The following TPSG1 variants were observed in gnomAD, a reference collection of about 807,000 sequenced individuals.
TPSG1 encodes tryptase gamma 1, also known as tryptase gamma.
A neutral mutation model predicts 23.8 loss-of-function variants in TPSG1; 43 were observed. The observed-to-expected ratio is 1.81, with a 90% confidence interval of 1.42 to 2.33. The LOEUF (loss-of-function observed/expected upper bound fraction) is 2.33, where lower values mean the gene tolerates loss of function less well. Among genes scored for constraint, TPSG1 ranks in the 30% most tolerant of loss-of-function variants. The pLI, the probability that TPSG1 is intolerant of heterozygous loss-of-function variation, is 0.00. For synonymous variants in TPSG1, 302 were observed against 201.3 expected (o/e 1.50, Z -4.23); for missense variants, 623 against 438.6 (o/e 1.42, Z -3.75).
intron 1 of TPSG1, 52 bp downstream of exon 1, chr16:1,225,155 C>A: frequency 6.5e-7 from 1 of 1,545,092 alleles, no homozygotes; most frequent in Non-Finnish European, 8.8e-7. Flanking sequence ...ATCAGGGGTC[C>A]AGGCAGGAAG....
rs376013233 is a variant in TPSG1 at position 1,223,479 on chromosome 16, G to A, written c.189C>T (p.Cys63=). 2.1e-5 allele frequency: 34 copies of A among 1,583,872 alleles called. No individual in the cohort carries two copies. The highest frequency in any genetic ancestry group is 1.5e-4 in the African/African-American group (11 of 74,680). The change falls in exon 3 of 6, where the codon TGC becomes TGT. Residue 63 remains cysteine (C), a synonymous_variant. Coordinates refer to ENST00000234798, the MANE Select transcript of TPSG1 (RefSeq NM_012467.4). The part of the protein sequence containing the change: ...ASLRLRRVHV[C]GGSLLSPQWV... ...ACTGGGGGCTGAGCAGTGACCCGCC[G>A]CACACGTGCACCCTCCGCAGGCGGA...
chr16:1,223,868 G>A (rs1428434353), intron 2 of TPSG1: 2 of 491,824 alleles, frequency 4.1e-6, no homozygotes, highest in African/African-American at 2.1e-5. Flanking sequence ...GCTGCAGAGG[G>A]CCCCTAGGCG....
At chr16:1,223,175 G>A (rs1011599846) in intron 3 of TPSG1, among the ~76,000 whole-genome samples, 2 of 152,220 alleles carry the variant, frequency 1.3e-5, no homozygotes, top group Non-Finnish European at 2.9e-5. Flanking sequence ...CAGATTGCAA[G>A]CTCAGCTCCA....
chr16:1,222,872 C>G lies in TPSG1; in HGVS notation c.291G>C (p.Glu97Asp). The G allele has an allele frequency of 1.2e-6, 2 of 1,609,322 alleles. No individual in the cohort carries two copies. Among genetic ancestry groups the G allele is most frequent in the South Asian group, 1.1e-5 (1 of 90,408 alleles). ...SDYQVHLGEL[E>D]ITLSPHFSTV... ...TGGAGAAGTGGGGAGACAGAGTGAT[C>G]TCCAGTTCCCCCAGGTGCACCTGGT... The change falls in exon 4 of 6, where the codon GAG becomes GAC. Residue 97 changes from glutamate (E) to aspartate (D), a missense_variant. Coordinates refer to ENST00000234798, the MANE Select transcript of TPSG1 (RefSeq NM_012467.4).
Position 1,221,793 on chromosome 16 carries a change from CAG to C in TPSG1, c.959_960del (p.Pro320ArgfsTer26), listed in dbSNP as rs534465665. The C allele has an allele frequency of 2.5e-4, 398 of 1,601,120 alleles. No homozygotes were observed. The African/African-American group carries it at 4.6e-3, about 18-fold the overall frequency. ...PSADGTPFPA[P>X]D The stretch of plus-strand genomic sequence containing the variant: ...ATGCACTTGGATTCCTGCCATCAGT[CAG>C]GGGCGGGGAAGGGAGTACCATCCGC... On this transcript the variant is annotated frameshift_variant, in exon 6 of 6. Transcript: ENST00000234798. LOFTEE classifies it high-confidence loss of function.
In TPSG1 at chr16:1,225,087, C is replaced by T. The variant is rs1250876188; in HGVS notation, c.46+120G>A. On this transcript the variant is annotated intron_variant, in intron 1 of 5. Coordinates refer to ENST00000234798, the MANE Select transcript of TPSG1 (RefSeq NM_012467.4). ...TCTCTTCAGAGGAGACACGGGGCCC[C>T]ACAGGGTGGGGACTCAGCATGTTTC... is the stretch of plus-strand genomic sequence containing the variant. The T allele has an allele frequency of 1.5e-5, 20 of 1,323,854 alleles. No individual in the cohort carries two copies. In the African/African-American group the frequency reaches 1.8e-4, roughly 12 times the overall value. The allele number at this position is 1,323,854 out of a possible 1,614,324, so 82.0% of individuals were successfully genotyped here. A position where few individuals can be genotyped will look rare whatever the true frequency, so the allele number is the denominator to read the frequency against.
intron 4 of TPSG1, 58 bp from the exon 5 acceptor site, chr16:1,222,399 G>A (rs1457353204): frequency 6.9e-7 from 1 of 1,446,168 alleles, no homozygotes; most frequent in South Asian, 1.3e-5. Context: ...TGCACTGGGG[G>A]GATGGGAGAC....
At chr16:1,224,653 G>A in intron 1 of TPSG1, 25 bp from the exon 2 acceptor site, 1 of 1,613,630 alleles carries the variant, frequency 6.2e-7, no homozygotes, top group South Asian at 1.1e-5. Context: ...AAGGGCCCAG[G>A]ATGGAGGGGG....
At chr16:1,224,079 T>C in intron 2 of TPSG1, 1 of 194,860 alleles carries the variant, frequency 5.1e-6, no homozygotes, top group South Asian at 1.2e-4. Flanking sequence ...CTTTATCTTC[T>C]GTAAACTTCA....
intron 2 of TPSG1, 116 bp downstream of exon 2, chr16:1,224,486 A>C (rs1359904941): frequency 1.4e-6 from 2 of 1,394,774 alleles, no homozygotes; most frequent in Non-Finnish European, 2.0e-6. Context: ...CACGGCGACA[A>C]ACTATGACCT....
chr16:1,225,229 GAGGCCAC>G lies in TPSG1; in HGVS notation c.17_23del (p.Cys6SerfsTer77), dbSNP rs1025596280. The G allele has an allele frequency of 3.8e-6, 6 of 1,578,682 alleles. No homozygotes were observed. Among genetic ancestry groups the G allele is most frequent in the Non-Finnish European group, 4.3e-6 (5 of 1,162,480 alleles). On this transcript the variant is annotated frameshift_variant, in exon 1 of 6. Transcript: ENST00000234798. LOFTEE classifies it high-confidence loss of function. ...CACCGGGCACAGCCAGGAGCAGCAG[GAGGCCAC>G]AGGCCCCAAGGGCCATGGTGTCTGC...
intron 1 of TPSG1, 166 bp from the exon 2 acceptor site, chr16:1,224,794 A>G (rs1343781477): frequency 4.9e-6 from 4 of 811,162 alleles, no homozygotes; most frequent in Non-Finnish European, 1.9e-6. Flanking sequence ...TCACTGGCCC[A>G]GGGCTGGGTG....
chr16:1,223,343 C>T, intron 3 of TPSG1, 80 bp downstream of exon 3: 1 of 1,447,098 alleles, frequency 6.9e-7, no homozygotes, highest in African/African-American at 1.4e-5. Flanking sequence ...TGAGTCAAGA[C>T]CAAGTGGAGG....
chr16:1,224,798 C>A, intron 1 of TPSG1, 170 bp from the exon 2 acceptor site: 1 of 783,142 alleles, frequency 1.3e-6, no homozygotes, highest in South Asian at 1.8e-5. Flanking sequence ...TGGCCCAGGG[C>A]TGGGTGGGAC....
rs924423262 is a variant in TPSG1, at chr16:1,222,999, G to C, written c.246-82C>G. 5.6e-6 allele frequency: 8 copies of C among 1,441,240 alleles called. No individual in the cohort carries two copies. In the African/African-American group the frequency reaches 1.1e-4, roughly 20 times the overall value. The allele number at this position is 1,441,240 out of a possible 1,614,324, so 89.3% of individuals were successfully genotyped here. A position where few individuals can be genotyped will look rare whatever the true frequency, so the allele number is the denominator to read the frequency against. On this transcript the variant is annotated intron_variant, in intron 3 of 5. Transcript: ENST00000234798. ...TCGGCCCCGCCCAGACCCTACCCTT[G>C]CAGGCATCCGAAGCCCAGCTCTTCC...
At chr16:1,224,526 G>A in intron 2 of TPSG1, 76 bp downstream of exon 2, 3 of 1,589,780 alleles carry the variant, frequency 1.9e-6, no homozygotes, top group African/African-American at 1.3e-5. Context: ...CCCCAGGGAA[G>A]GAGAGGGTCA....
chr16:1,223,343 C>G, intron 3 of TPSG1, 80 bp downstream of exon 3: 1 of 1,447,100 alleles, frequency 6.9e-7, no homozygotes, highest in Non-Finnish European at 9.1e-7. Flanking sequence ...TGAGTCAAGA[C>G]CAAGTGGAGG....
Position 1,224,629 on chromosome 16 carries a change from C to G in TPSG1, c.47-1G>C, listed in dbSNP as rs1325483219. Reference sequence around the variant, plus strand: ...GGCTGCAAAGTCCTGAGGGACACACCTGTGGGAAAGACGAAGGGCCCAGGA... The same window carrying G: ...GGCTGCAAAGTCCTGAGGGACACACGTGTGGGAAAGACGAAGGGCCCAGGA... On this transcript the variant is annotated splice_acceptor_variant, in intron 1 of 5. Transcript: ENST00000234798. LOFTEE classifies it high-confidence loss of function. The G allele has an allele frequency of 1.9e-6, 3 of 1,613,712 alleles. No homozygotes were observed. The Admixed American group carries it at 5.0e-5, about 27-fold the overall frequency.
chr16:1,224,987 A>T (rs1567567345), intron 1 of TPSG1, among the ~76,000 whole-genome samples: 1 of 133,678 alleles, frequency 7.5e-6, no homozygotes, highest in East Asian at 2.3e-4. Flanking sequence ...CAACTCCTGC[A>T]CCCCCAACTC....
Sources: allele counts gnomAD v4.1 joint callset (sites outside exome capture counted in the v4.1 genomes callset), GRCh38; gene constraint gnomAD v4.1.1; transcripts MANE v1.5; gene names NCBI Gene and HGNC (gene_info 2026-07-23, HGNC 2026-07-21).